Variants in ZNF131 observed in about 807,000 individuals in gnomAD.
ZNF131 encodes zinc finger protein 131.
In ZNF131, 7 loss-of-function variants were observed where a neutral mutation model predicts 60.0. That is an observed-to-expected ratio of 0.12 (90% CI 0.07 to 0.22). ZNF131 has a LOEUF of 0.22. ZNF131 is among the 10% of genes least tolerant of loss of function. ZNF131 has a pLI of 1.00. For synonymous variants in ZNF131, 257 were observed against 253.2 expected (o/e 1.01, Z -0.14); for missense variants, 493 against 740.9 (o/e 0.67, Z 3.88).
At chr5:43,128,364 A>T (rs889906070) in intron 3 of ZNF131, among the ~76,000 whole-genome samples, 1 of 152,104 alleles carries the variant, frequency 6.6e-6, no homozygotes, top group Non-Finnish European at 1.5e-5. Context: ...TATAAGTTAG[A>T]AGCACCTGGG....
chr5:43,123,925 C>T (rs1484436552), intron 3 of ZNF131: 1 of 151,976 alleles, frequency 6.6e-6, no homozygotes, highest in Non-Finnish European at 1.5e-5. Context: ...AAGTGCCAGG[C>T]GTTGTGATAT....
At chr5:43,145,234 A>G (rs1579798489) in intron 4 of ZNF131, among the ~76,000 whole-genome samples, 1 of 151,896 alleles carries the variant, frequency 6.6e-6, no homozygotes, top group Admixed American at 6.6e-5. Flanking sequence ...GGCTTATCCC[A>G]CTCTGCAAAA....
intron 3 of ZNF131, among the ~76,000 whole-genome samples, chr5:43,131,263 C>T (rs996054917): frequency 5.9e-5 from 9 of 152,182 alleles, no homozygotes; most frequent in Admixed American, 2.0e-4. Flanking sequence ...ACCTCTACCT[C>T]GCAGGTTCAA....
At chr5:43,138,437 G>C (rs1746407578) in intron 3 of ZNF131, among the ~76,000 whole-genome samples, 1 of 152,114 alleles carries the variant, frequency 6.6e-6, no homozygotes, top group Non-Finnish European at 1.5e-5. Flanking sequence ...CAGATCACTT[G>C]AGGTCGGGAG....
chr5:43,175,023 G>C lies in ZNF131; in HGVS notation c.1762G>C (p.Ala588Pro). 6.2e-7 allele frequency: 1 copy of C among 1,614,148 alleles called. No homozygotes were observed. The highest frequency in any genetic ancestry group is 1.1e-5 in the South Asian group (1 of 91,082). Reference sequence around the variant, plus strand: ...TAGCCAAGCAGATGCTGCTGAGGCTGCCAGGGAAGATCACGAAGATGCTGA... The same window carrying C: ...TAGCCAAGCAGATGCTGCTGAGGCTCCCAGGGAAGATCACGAAGATGCTGA... ...ESSQADAAEA[A>P]REDHEDAEDL... is the part of the protein sequence containing the mutation. Residue 588 changes from alanine to proline, a missense_variant, in exon 7 of 7, where the codon GCC becomes CCC. By Grantham distance (27) the Ala-to-Pro change is conservative. Around this residue, in one of 7 missense-constraint regions of ZNF131, gnomAD observed 202 missense variants for 221.3 expected, o/e 0.91. Coordinates refer to ENST00000682664, the MANE Select transcript of ZNF131 (RefSeq NM_001330707.2).
intron 4 of ZNF131, among the ~76,000 whole-genome samples, chr5:43,158,586 G>A (rs992005201): frequency 1.3e-4 from 20 of 152,302 alleles, no homozygotes; most frequent in Middle Eastern, 3.4e-3. Context: ...CACCGCGCCC[G>A]GCCAGACGTC....
rs1400972645 is a variant in ZNF131 at position 43,140,177 on chromosome 5, C to T, written c.371+868C>T. Among the ~76,000 whole-genome samples the T allele has an allele frequency of 2.6e-5, 4 of 152,070 alleles. No homozygotes were observed. The East Asian group carries it at 7.7e-4, about 29-fold the overall frequency. ...TTGTGGCTGCAGCGAGCTGTGATCA[C>T]GCCACTGACTGCATACCAGCTAGGG... On this transcript the variant is annotated intron_variant, in intron 4 of 6. Transcript: ENST00000682664.
intron 4 of ZNF131, among the ~76,000 whole-genome samples, chr5:43,156,383 T>A (rs1292669418): frequency 6.6e-6 from 1 of 152,156 alleles, no homozygotes; most frequent in Admixed American, 6.6e-5. Flanking sequence ...CCTTTGGGAA[T>A]AGGGAGAATT....
At position 43,123,103 on chromosome 5, in the gene ZNF131, A is replaced by G. The variant is rs907083818; in HGVS notation, c.125-106A>G. Reference sequence around the variant, plus strand: ...CAATAATTTCTGTAGTTACGTAATGAAGGAAGACCTATTTTGCTTTATATG... The same window carrying G: ...CAATAATTTCTGTAGTTACGTAATGGAGGAAGACCTATTTTGCTTTATATG... On this transcript the variant is annotated intron_variant, in intron 2 of 6. Transcript: ENST00000682664. 4 of 759,426 alleles carry G rather than the reference A, an allele frequency of 5.3e-6. No homozygotes were observed. In the Admixed American group the frequency reaches 8.8e-5, roughly 17 times the overall value. The allele number at this position is 759,426 out of a possible 1,614,324, so 47.0% of individuals were successfully genotyped here. A position where few individuals can be genotyped will look rare whatever the true frequency, so the allele number is the denominator to read the frequency against.
At chr5:43,168,166 C>T (rs1750587749) in intron 5 of ZNF131, 1 of 239,756 alleles carries the variant, frequency 4.2e-6, no homozygotes, top group African/African-American at 2.3e-5. Flanking sequence ...CCCTCATGAT[C>T]CTATCACCTC....
At position 43,123,265 on chromosome 5, in the gene ZNF131, A is replaced by G. The variant is rs934436383; in HGVS notation, c.181A>G (p.Lys61Glu). 1 of 1,612,586 alleles carries G rather than the reference A, an allele frequency of 6.2e-7. No homozygotes were observed. Reference sequence around the variant, plus strand: ...GGCTGCTTGTAGTAAGTTCTTCTACAAATTCTTTCAGGAGTTTACCCAAGA... The same window carrying G: ...GGCTGCTTGTAGTAAGTTCTTCTACGAATTCTTTCAGGAGTTTACCCAAGA... The part of the protein sequence containing the change: ...VLAACSKFFY[K>E]FFQEFTQEPL... Residue 61 changes from lysine to glutamate, a missense_variant, in exon 3 of 7, where the codon AAA becomes GAA. Physicochemically the swap from Lys to Glu is moderately conservative, Grantham distance 56 (BLOSUM62 1). Around this residue, in one of 7 missense-constraint regions of ZNF131, gnomAD observed 66 missense variants for 148.0 expected, o/e 0.45. Transcript: ENST00000682664.
chr5:43,175,465 T>C lies in ZNF131; in HGVS notation c.*332T>C. The C allele has an allele frequency of 1.4e-6, 1 of 699,598 alleles. No homozygotes were observed. Among genetic ancestry groups the C allele is most frequent in the Non-Finnish European group, 2.6e-6 (1 of 384,454 alleles). The allele number at this position is 699,598 out of a possible 1,614,324, so 43.3% of individuals were successfully genotyped here. Reference sequence around the variant, plus strand: ...CTTTTCTCTTTCCCAGGTCATGTTCTTCCTCAAATTTTTTCCATATTGTAA... The same window carrying C: ...CTTTTCTCTTTCCCAGGTCATGTTCCTCCTCAAATTTTTTCCATATTGTAA... On this transcript the variant is annotated 3_prime_UTR_variant, in exon 7 of 7. Transcript: ENST00000682664.
intron 4 of ZNF131, among the ~76,000 whole-genome samples, chr5:43,159,353 T>TTTTACTGAG (rs760374936): frequency 4.6e-5 from 7 of 152,122 alleles, no homozygotes; most frequent in African/African-American, 1.7e-4. Context: ...AGGTGTCGTC[T>TTTTACTGAG]TTTACTGAGT....
At chr5:43,127,951 A>G (rs1174185451) in intron 3 of ZNF131, among the ~76,000 whole-genome samples, 1 of 152,238 alleles carries the variant, frequency 6.6e-6, no homozygotes, top group Non-Finnish European at 1.5e-5. Context: ...CAGAAATTTT[A>G]GCCCCTACTA....
intron 4 of ZNF131, among the ~76,000 whole-genome samples, chr5:43,143,898 C>CTTTTTTTTTTTTTTTTTTTT (rs79246574): frequency 2.9e-5 from 1 of 34,994 alleles, no homozygotes; most frequent in African/African-American, 1.2e-4. Flanking sequence ...ATTGTCAGAG[C>CTTTTTTTTTTTTTTTTTTTT]TTTTTTTTTT....
intron 3 of ZNF131, among the ~76,000 whole-genome samples, chr5:43,133,415 G>T (rs1003429372): frequency 6.6e-6 from 1 of 152,130 alleles, no homozygotes; most frequent in Non-Finnish European, 1.5e-5. Flanking sequence ...GCAGTGAGTC[G>T]AGATCACGCC....
At position 43,175,232 on chromosome 5, in the gene ZNF131, C is replaced by A; in HGVS notation, c.*99C>A. On this transcript the variant is annotated 3_prime_UTR_variant, in exon 7 of 7. Coordinates refer to ENST00000682664, the MANE Select transcript of ZNF131 (RefSeq NM_001330707.2). Reference sequence around the variant, plus strand: ...AATTAAGCCTAACAGACAAGTGGACCAAAGTTAAGCTGTTTCCTGTTGTGC... The same window carrying A: ...AATTAAGCCTAACAGACAAGTGGACAAAAGTTAAGCTGTTTCCTGTTGTGC... 3 of 1,201,026 alleles carry A rather than the reference C, an allele frequency of 2.5e-6. No homozygotes were observed. Among genetic ancestry groups the A allele is most frequent in the Non-Finnish European group, 3.4e-6 (3 of 873,584 alleles). 74.4% of individuals were successfully genotyped at this position (1,201,026 alleles called of 1,614,324 possible). A position where few individuals can be genotyped will look rare whatever the true frequency, so the allele number is the denominator to read the frequency against.
At chr5:43,131,134 G>T (rs542379103) in intron 3 of ZNF131, among the ~76,000 whole-genome samples, 1 of 152,100 alleles carries the variant, frequency 6.6e-6, no homozygotes, top group Admixed American at 6.5e-5. Flanking sequence ...CAGAGTGCTG[G>T]GATTACAGGT....
At chr5:43,123,411 G>A (rs1744122989) in intron 3 of ZNF131, 101 bp downstream of exon 3, 4 of 952,528 alleles carry the variant, frequency 4.2e-6, no homozygotes, top group African/African-American at 1.7e-5. Context: ...TGGTGAAGCA[G>A]TTTTAGACAG....
Sources: gnomAD v4.1 joint callset for allele counts (sites outside exome capture counted in the v4.1 genomes callset) on GRCh38, gnomAD v4.1.1 for gene constraint, gnomAD v4.1.1 regional missense constraint, MANE v1.5 for transcripts, NCBI Gene and HGNC (gene_info 2026-07-23, HGNC 2026-07-21) for gene names.